Variants in AFG2A observed in about 807,000 individuals in gnomAD.
AFG2A encodes the protein AAA ATPase AFG2A.
chr4:123,159,730 G>C, the AFG2A span, among the ~76,000 whole-genome samples: 1 of 152,054 alleles, frequency 6.6e-6, no homozygotes, highest in Non-Finnish European at 1.5e-5. Context: ...TGAGGACAGT[G>C]CCCAGACCTA....
the AFG2A span, among the ~76,000 whole-genome samples, chr4:123,035,421 G>A: frequency 6.6e-6 from 1 of 151,694 alleles, no homozygotes; most frequent in Non-Finnish European, 1.5e-5. Context: ...GTTGTATTAT[G>A]TGCCTTATTT....
the AFG2A span, among the ~76,000 whole-genome samples, chr4:123,155,390 T>C: frequency 6.6e-6 from 1 of 152,176 alleles, no homozygotes; most frequent in African/African-American, 2.4e-5. Flanking sequence ...ATCCCTATTA[T>C]GTAATTTTTT....
chr4:123,093,730 G>A, the AFG2A span, among the ~76,000 whole-genome samples: 3 of 152,280 alleles, frequency 2.0e-5, no homozygotes, highest in South Asian at 6.2e-4. Flanking sequence ...AGCATGGGAG[G>A]AGTAAAAATC....
At chr4:123,170,847 A>T in the AFG2A span, among the ~76,000 whole-genome samples, 2 of 152,120 alleles carry the variant, frequency 1.3e-5, no homozygotes, top group African/African-American at 4.8e-5. Context: ...CTCACTTTTT[A>T]AAAAAACCGT....
chr4:123,220,613 CAAAAAAAAA>C, the AFG2A span, among the ~76,000 whole-genome samples: 1 of 41,794 alleles, frequency 2.4e-5, no homozygotes, highest in Admixed American at 2.4e-4. Context: ...GACTCCAACT[CAAAAAAAAA>C]AAAAAAAAAA....
At chr4:123,195,624 C>A in the AFG2A span, among the ~76,000 whole-genome samples, 1 of 151,998 alleles carries the variant, frequency 6.6e-6, no homozygotes, top group African/African-American at 2.4e-5. Flanking sequence ...AATCTTAATG[C>A]ACTATGAAAA....
chr4:123,306,786 T>C, the AFG2A span, among the ~76,000 whole-genome samples: 2 of 152,184 alleles, frequency 1.3e-5, no homozygotes, highest in African/African-American at 2.4e-5. Context: ...GGTATCCATT[T>C]TTTAGTCAAA....
the AFG2A span, among the ~76,000 whole-genome samples, chr4:123,124,070 G>T: frequency 6.6e-6 from 1 of 151,544 alleles, no homozygotes; most frequent in East Asian, 1.9e-4. Flanking sequence ...CATTGTGGAA[G>T]ACAGTGTGGC....
chr4:123,028,463 A>G, the AFG2A span: 6 of 1,319,576 alleles, frequency 4.5e-6, no homozygotes, highest in Middle Eastern at 2.1e-4. Context: ...TCTGACTCCT[A>G]CCTTTAGGAG....
the AFG2A span, among the ~76,000 whole-genome samples, chr4:123,237,345 T>C: frequency 6.6e-6 from 1 of 152,140 alleles, no homozygotes; most frequent in African/African-American, 2.4e-5. Context: ...CCTGAGATGT[T>C]TCTAGTTGTT....
the AFG2A span, among the ~76,000 whole-genome samples, chr4:123,175,375 C>CT: frequency 1.3e-5 from 2 of 152,028 alleles, no homozygotes; most frequent in Non-Finnish European, 2.9e-5. Flanking sequence ...TCCTTACTGT[C>CT]TAAGTGTATA....
the AFG2A span, among the ~76,000 whole-genome samples, chr4:123,145,316 G>A: frequency 7.4e-5 from 11 of 149,380 alleles, no homozygotes; most frequent in South Asian, 4.4e-4. Flanking sequence ...TCAGGGAAGA[G>A]GAACATACAG....
the AFG2A span, among the ~76,000 whole-genome samples, chr4:122,948,498 T>C: frequency 6.6e-6 from 1 of 151,960 alleles, no homozygotes; most frequent in South Asian, 2.1e-4. Flanking sequence ...TATATTGTGC[T>C]GTGCTGTGGA....
the AFG2A span, among the ~76,000 whole-genome samples, chr4:123,163,980 C>A: frequency 6.6e-6 from 1 of 152,226 alleles, no homozygotes; most frequent in Admixed American, 6.5e-5. Flanking sequence ...TGGTTTTTAA[C>A]TTCTCATCAA....
the AFG2A span, among the ~76,000 whole-genome samples, chr4:123,084,778 A>C: frequency 6.6e-6 from 1 of 151,832 alleles, no homozygotes; most frequent in Non-Finnish European, 1.5e-5. Flanking sequence ...ACAGACATGC[A>C]TCACCAAGCT....
chr4:123,173,980 A>C, the AFG2A span, among the ~76,000 whole-genome samples: 3 of 152,294 alleles, frequency 2.0e-5, no homozygotes, highest in South Asian at 6.2e-4. Flanking sequence ...AATAAGAAAA[A>C]AAAAGTGAAA....
At chr4:123,026,403 A>G in the AFG2A span, among the ~76,000 whole-genome samples, 4 of 152,182 alleles carry the variant, frequency 2.6e-5, no homozygotes, top group Admixed American at 2.0e-4. Flanking sequence ...ATAAAATCAT[A>G]TAGAACTAAA....
chr4:123,017,163 GGGGAGAGGGAGAGGGGGGAGAGGGAA>G, the AFG2A span, among the ~76,000 whole-genome samples: 137 of 11,748 alleles, frequency 0.012, 5 homozygotes, highest in African/African-American at 0.022. Context: ...GGAGAGGGAA[GGGGAGAGGGAGAGGGGGGAGAGGGAA>G]AGGGAGAGGG....
At chr4:123,057,443 C>T in the AFG2A span, among the ~76,000 whole-genome samples, 1 of 152,056 alleles carries the variant, frequency 6.6e-6, no homozygotes, top group Non-Finnish European at 1.5e-5. Flanking sequence ...TCCTCTTATA[C>T]CCATTAAATT....
Sources: gnomAD v4.1 joint callset for allele counts (sites outside exome capture counted in the v4.1 genomes callset) on GRCh38, gnomAD v4.1.1 for gene constraint, MANE v1.5 for transcripts, NCBI Gene and HGNC (gene_info 2026-07-23, HGNC 2026-07-21) for gene names.